Variants in XKR9 observed in about 807,000 individuals in gnomAD.
XKR9 encodes the protein XK related 9, also known as XK-related protein 9.
XKR9 carries 32 observed loss-of-function variants against 32.0 expected under a neutral mutation model. That is an observed-to-expected ratio of 1.00 (90% CI 0.76 to 1.34). XKR9 has a LOEUF of 1.34. XKR9 is among the 40% of genes most tolerant of loss of function. XKR9 has a pLI of 0.00. For missense variants in XKR9, 546 were observed against 429.7 expected (o/e 1.27, Z -2.39); for synonymous variants, 168 against 143.4 (o/e 1.17, Z -1.22).
At chr8:70,804,598 T>A in the XKR9 span, among the ~76,000 whole-genome samples, 1 of 152,198 alleles carries the variant, frequency 6.6e-6, no homozygotes, top group Non-Finnish European at 1.5e-5. Flanking sequence ...AGGCAGGTGG[T>A]AAGTGTGCTT....
intron 2 of XKR9, among the ~76,000 whole-genome samples, chr8:70,758,285 T>G (rs1009522684): frequency 3.3e-5 from 5 of 152,106 alleles, no homozygotes; most frequent in Admixed American, 3.3e-4. Flanking sequence ...GGTCTCTCTC[T>G]CACTCTTACC....
chr8:71,021,435 A>T, the XKR9 span, among the ~76,000 whole-genome samples: 1 of 150,942 alleles, frequency 6.6e-6, no homozygotes, highest in Non-Finnish European at 1.5e-5. Flanking sequence ...CCTTTGTTGG[A>T]TACAGAGTTT....
chr8:70,866,138 T>C, the XKR9 span, among the ~76,000 whole-genome samples: 21 of 152,342 alleles, frequency 1.4e-4, no homozygotes, highest in African/African-American at 5.1e-4. Flanking sequence ...CATGTATTAA[T>C]ATATAGTCTC....
chr8:70,704,845 C>A (rs1485809275), intron 3 of XKR9, among the ~76,000 whole-genome samples: 2 of 152,126 alleles, frequency 1.3e-5, no homozygotes, highest in African/African-American at 4.8e-5. Context: ...AAATCCTGGG[C>A]AGTATTAATC....
chr8:70,988,153 C>T, the XKR9 span, among the ~76,000 whole-genome samples: 10 of 152,124 alleles, frequency 6.6e-5, no homozygotes, highest in Admixed American at 6.5e-4. Context: ...AGAGGGCTCC[C>T]ACTGGGTCCC....
the XKR9 span, among the ~76,000 whole-genome samples, chr8:70,944,174 A>G: frequency 2.6e-5 from 4 of 152,106 alleles, no homozygotes; most frequent in African/African-American, 7.2e-5. Context: ...GCTCTTAGAG[A>G]GCTGCGCCCA....
chr8:70,801,582 T>C, the XKR9 span, among the ~76,000 whole-genome samples: 1 of 152,134 alleles, frequency 6.6e-6, no homozygotes, highest in Non-Finnish European at 1.5e-5. Flanking sequence ...TTATGGCTGA[T>C]TGTGTGGTTG....
At chr8:70,858,596 C>G in the XKR9 span, among the ~76,000 whole-genome samples, 1 of 151,974 alleles carries the variant, frequency 6.6e-6, no homozygotes, top group African/African-American at 2.4e-5. Flanking sequence ...TCACATTACC[C>G]GACTTCAAAA....
At chr8:70,855,226 T>A in the XKR9 span, among the ~76,000 whole-genome samples, 1 of 151,394 alleles carries the variant, frequency 6.6e-6, no homozygotes, top group African/African-American at 2.4e-5. Context: ...GTTAAGAACC[T>A]CAAAAAAAAA....
the XKR9 span, among the ~76,000 whole-genome samples, chr8:71,007,771 G>T: frequency 6.6e-6 from 1 of 151,994 alleles, no homozygotes; most frequent in East Asian, 1.9e-4. Flanking sequence ...GGGTAGGTGA[G>T]AATATGATTT....
At chr8:71,059,236 C>A in the XKR9 span, among the ~76,000 whole-genome samples, 27,655 of 152,232 alleles carry the variant, frequency 0.18, 2,836 homozygotes, top group African/African-American at 0.25. Flanking sequence ...CTCTGCTTTA[C>A]CTGTGGAAAA....
At chr8:71,018,982 G>C in the XKR9 span, among the ~76,000 whole-genome samples, 1 of 152,146 alleles carries the variant, frequency 6.6e-6, no homozygotes, top group Non-Finnish European at 1.5e-5. Flanking sequence ...CTGAGAAAAA[G>C]CTGGATATCA....
At chr8:70,788,964 C>T (rs1242464993) in intron 2 of XKR9, among the ~76,000 whole-genome samples, 1 of 151,980 alleles carries the variant, frequency 6.6e-6, no homozygotes, top group Non-Finnish European at 1.5e-5. Flanking sequence ...GACTACTGGA[C>T]TAATCCTTGT....
the XKR9 span, among the ~76,000 whole-genome samples, chr8:70,871,961 T>A: frequency 6.6e-6 from 1 of 152,226 alleles, no homozygotes; most frequent in African/African-American, 2.4e-5. Context: ...TTCCAACTTT[T>A]CCAATTTGGG....
the XKR9 span, among the ~76,000 whole-genome samples, chr8:70,889,845 C>T: frequency 4.0e-5 from 6 of 151,818 alleles, no homozygotes; most frequent in South Asian, 2.1e-4. Context: ...GTTGATTCCA[C>T]GTCTTTGCTA....
At chr8:70,705,240 G>A (rs1805680057) in intron 3 of XKR9, among the ~76,000 whole-genome samples, 2 of 152,108 alleles carry the variant, frequency 1.3e-5, no homozygotes, top group South Asian at 2.1e-4. Flanking sequence ...ATTATGTGCC[G>A]ATTCTTAGTT....
At chr8:70,722,795 A>G (rs560720382) in intron 4 of XKR9, among the ~76,000 whole-genome samples, 1 of 151,770 alleles carries the variant, frequency 6.6e-6, no homozygotes, top group African/African-American at 2.4e-5. Context: ...CTTCTTGAGG[A>G]TATCTTAGGG....
the XKR9 span, among the ~76,000 whole-genome samples, chr8:70,819,927 G>T: frequency 1.3e-5 from 2 of 152,182 alleles, no homozygotes; most frequent in African/African-American, 2.4e-5. Context: ...AAAGAGGAAA[G>T]CTGGCTCATA....
chr8:70,702,995 C>A (rs1199046752), intron 3 of XKR9, among the ~76,000 whole-genome samples: 1 of 152,018 alleles, frequency 6.6e-6, no homozygotes, highest in African/African-American at 2.4e-5. Flanking sequence ...TGTCTTTTTT[C>A]TCTATTTTTC....
Sources: allele counts gnomAD v4.1 joint callset (sites outside exome capture counted in the v4.1 genomes callset), GRCh38; gene constraint gnomAD v4.1.1; transcripts MANE v1.5; gene names NCBI Gene and HGNC (gene_info 2026-07-23, HGNC 2026-07-21).